TCEA1: variants seen among roughly 807,000 people sequenced by gnomAD.
TCEA1 encodes transcription elongation factor A protein 1.
TCEA1 carries 21 observed loss-of-function variants against 43.8 expected under a neutral mutation model. The observed-to-expected ratio is 0.48, with a 90% CI of 0.34 to 0.69. TCEA1 has a LOEUF of 0.69. Among genes scored for constraint, TCEA1 ranks in the 30% least tolerant of loss-of-function variants. The pLI, the probability that TCEA1 is intolerant of heterozygous loss-of-function variation, is 0.01. For missense variants in TCEA1, 250 were observed against 365.1 expected, an observed-to-expected ratio of 0.68 and a Z score of 2.57; for synonymous variants, 104 against 117.5, an observed-to-expected ratio of 0.88 and a Z score of 0.75.
At chr8:53,987,059 G>T (rs1458656123) in intron 5 of TCEA1, 34 bp from the exon 6 acceptor site, 12 of 1,538,230 alleles carry the variant, frequency 7.8e-6, no homozygotes, top group Middle Eastern at 1.7e-4. Context: ...TCAAATTATT[G>T]TAACAGATTA....
chr8:53,970,200 A>T (rs1472160305), intron 9 of TCEA1, 192 bp downstream of exon 9: 4 of 626,776 alleles, frequency 6.4e-6, no homozygotes, highest in South Asian at 1.9e-5. Flanking sequence ...GGTAAAGTCA[A>T]GTTAATACTC....
chr8:53,969,167 G>A (rs1166791931), intron 9 of TCEA1, among the ~76,000 whole-genome samples: 2 of 152,160 alleles, frequency 1.3e-5, no homozygotes, highest in Non-Finnish European at 2.9e-5. Flanking sequence ...GCACATTCCT[G>A]TAATCCCAGC....
At chr8:53,980,343 C>A (rs193209928) in intron 7 of TCEA1, among the ~76,000 whole-genome samples, 2 of 152,258 alleles carry the variant, frequency 1.3e-5, no homozygotes, top group East Asian at 3.9e-4. Context: ...TCTTGCTCTG[C>A]GCTATTGTGC....
At chr8:54,012,516 G>A (rs927947325) in intron 1 of TCEA1, among the ~76,000 whole-genome samples, 5 of 152,132 alleles carry the variant, frequency 3.3e-5, no homozygotes, top group African/African-American at 4.8e-5. Context: ...CCGAGATCGC[G>A]CCACTGCACT....
intron 7 of TCEA1, among the ~76,000 whole-genome samples, chr8:53,979,676 T>C (rs573535650): frequency 6.6e-6 from 1 of 152,250 alleles, no homozygotes; most frequent in African/African-American, 2.4e-5. Flanking sequence ...GCCTGAACTC[T>C]GCTAAAATGT....
intron 7 of TCEA1, among the ~76,000 whole-genome samples, chr8:53,980,021 G>A (rs528357934): frequency 6.6e-6 from 1 of 152,282 alleles, no homozygotes; most frequent in Admixed American, 6.5e-5. Flanking sequence ...TTCGTCTCCT[G>A]CATGGCCAGC....
chr8:54,015,841 C>G (rs1309559523), intron 1 of TCEA1, among the ~76,000 whole-genome samples: 2 of 152,186 alleles, frequency 1.3e-5, no homozygotes, highest in African/African-American at 2.4e-5. Flanking sequence ...CAGACCCTGA[C>G]TCTTTTCTAA....
intron 8 of TCEA1, chr8:53,974,070 G>A (rs757892274): frequency 7.1e-5 from 11 of 155,714 alleles, no homozygotes; most frequent in Non-Finnish European, 1.3e-4. Context: ...CCAGCTACTC[G>A]GGAGGCTGAG....
intron 5 of TCEA1, among the ~76,000 whole-genome samples, chr8:53,987,322 C>G (rs1180275429): frequency 6.6e-6 from 1 of 152,204 alleles, no homozygotes; most frequent in Non-Finnish European, 1.5e-5. Flanking sequence ...GCTGCTCCAG[C>G]AGAGTAGAGA....
intron 3 of TCEA1, among the ~76,000 whole-genome samples, chr8:53,997,371 G>C (rs776941249): frequency 6.6e-6 from 1 of 152,288 alleles, no homozygotes; most frequent in Non-Finnish European, 1.5e-5. Context: ...GTGTAAGACA[G>C]TTTCAGGATC....
At chr8:53,996,745 ATAAAT>A (rs1804063222) in intron 3 of TCEA1, among the ~76,000 whole-genome samples, 1 of 151,600 alleles carries the variant, frequency 6.6e-6, no homozygotes, top group Non-Finnish European at 1.5e-5. Context: ...AAAAGGTAAT[ATAAAT>A]TAAGTACACA....
intron 3 of TCEA1, 83 bp from the exon 4 acceptor site, chr8:53,993,838 A>G: frequency 9.4e-7 from 1 of 1,064,166 alleles, no homozygotes; most frequent in Admixed American, 2.1e-5. Context: ...TATTTGCACA[A>G]CATGAACTAA....
In TCEA1 at chr8:53,988,132, C is replaced by T. The variant is rs754205500; in HGVS notation, c.448G>A (p.Ala150Thr). The T allele has an allele frequency of 6.2e-7, 1 of 1,611,690 alleles. No individual in the cohort carries two copies. The highest frequency in any genetic ancestry group is 8.5e-7 in the Non-Finnish European group (1 of 1,179,490). The change falls in exon 5 of 10, where the codon GCA (alanine) becomes ACA (threonine). Residue 150 changes from alanine to threonine, a missense_variant. Around this residue, in one of 4 missense-constraint regions of TCEA1, gnomAD observed 147 missense variants for 160.3 expected, o/e 0.92. Coordinates refer to ENST00000521604, the MANE Select transcript of TCEA1 (RefSeq NM_006756.4). ...VRLKCREMLAAALRTGDDYIA... is the reference protein window; with the variant it reads ...VRLKCREMLATALRTGDDYIA... ...GACTTACCCCCTGTTCGAAGAGCTG[C>T]AGCAAGCATCTCCCTACACTTCAAC...
chr8:53,983,009 T>A (rs1803562420), intron 7 of TCEA1, among the ~76,000 whole-genome samples: 1 of 152,204 alleles, frequency 6.6e-6, no homozygotes, highest in East Asian at 1.9e-4. Context: ...ATCTCACTGT[T>A]GTCTTATTTT....
chr8:54,014,184 C>T (rs1163548761), intron 1 of TCEA1, among the ~76,000 whole-genome samples: 2 of 152,214 alleles, frequency 1.3e-5, no homozygotes, highest in African/African-American at 2.4e-5. Flanking sequence ...ATGAACTAGT[C>T]GCCTGACCCT....
chr8:54,008,144 T>A (rs1215679720), intron 2 of TCEA1, among the ~76,000 whole-genome samples: 1 of 115,054 alleles, frequency 8.7e-6, no homozygotes, highest in Non-Finnish European at 1.6e-5. Context: ...CTGCACTCCA[T>A]CCTGGGCCAC....
intron 9 of TCEA1, 143 bp downstream of exon 9, chr8:53,970,249 A>C (rs1220697953): frequency 1.4e-6 from 1 of 730,642 alleles, no homozygotes; most frequent in Non-Finnish European, 2.5e-6. Context: ...ATATTCCATT[A>C]CAAGTAGTCA....
chr8:53,996,903 C>CTTTTTTTTTTTTTTTTTT lies in TCEA1; in HGVS notation c.232+3041_232+3042insAAAAAAAAAAAAAAAAAA, dbSNP rs754537318. Among the ~76,000 whole-genome samples the CTTTTTTTTTTTTTTTTTT allele has an allele frequency of 3.2e-3, 372 of 116,574 alleles. 37 individuals carry two copies. Among genetic ancestry groups the CTTTTTTTTTTTTTTTTTT allele is most frequent in the African/African-American group, 6.2e-3 (166 of 26,726 alleles). The allele number at this position is 116,574 out of a possible 152,430, so 76.5% of individuals were successfully genotyped here. A position where few individuals can be genotyped will look rare whatever the true frequency, so the allele number is the denominator to read the frequency against. On this transcript the variant is annotated intron_variant, in intron 3 of 9. Coordinates refer to ENST00000521604, the MANE Select transcript of TCEA1 (RefSeq NM_006756.4). ...AGCTAAGGGGTAAAAAGAAGGTTGTCTTTTTTTTTTTTTTTAGACAGACTC... is the reference window on the plus strand; with the variant it reads ...AGCTAAGGGGTAAAAAGAAGGTTGTCTTTTTTTTTTTTTTTTTTTTTTTTTTTTTTTTTAGACAGACTC...
chr8:53,978,666 CA>C (rs1803409717), intron 8 of TCEA1: 1 of 159,372 alleles, frequency 6.3e-6, no homozygotes, highest in African/African-American at 2.4e-5. Context: ...CTCATCTCAT[CA>C]AATGAACAGG....
Sources: gnomAD v4.1 joint callset for allele counts (sites outside exome capture counted in the v4.1 genomes callset) on GRCh38, gnomAD v4.1.1 for gene constraint, gnomAD v4.1.1 regional missense constraint, MANE v1.5 for transcripts, NCBI Gene and HGNC (gene_info 2026-07-23, HGNC 2026-07-21) for gene names.